PSMD14: variants seen among roughly 807,000 people sequenced by gnomAD.
PSMD14 encodes ubiquitin C-terminal hydrolase PSMD14.
Under a neutral mutation model 41.2 loss-of-function variants are expected in PSMD14, and 7 were observed. That is an observed-to-expected ratio of 0.17 (90% CI 0.10 to 0.32). PSMD14 has a LOEUF of 0.32. Among genes scored for constraint, PSMD14 ranks in the 10% least tolerant of loss-of-function variants. The pLI is 1.00. For missense variants in PSMD14, 139 were observed against 375.6 expected, an observed-to-expected ratio of 0.37 and a Z score of 5.21; for synonymous variants, 114 against 122.3, an observed-to-expected ratio of 0.93 and a Z score of 0.45.
chr2:161,381,599 C>A (rs574921634), intron 7 of PSMD14: 1 of 151,792 alleles, frequency 6.6e-6, no homozygotes, highest in African/African-American at 2.4e-5. Flanking sequence ...TTAGTCTAGT[C>A]TTTCAGTGAC....
chr2:161,386,650 T>G, intron 8 of PSMD14, among the ~76,000 whole-genome samples: 1 of 151,912 alleles, frequency 6.6e-6, no homozygotes, highest in Non-Finnish European at 1.5e-5. Context: ...CAGACAAGCC[T>G]GTACTTGCAT....
At chr2:161,408,747 A>G in intron 10 of PSMD14, 90 bp from the exon 11 acceptor site, 1 of 927,378 alleles carries the variant, frequency 1.1e-6, no homozygotes, top group Non-Finnish European at 1.6e-6. Context: ...ATGAATGAAA[A>G]TTCTGGTCAT....
chr2:161,394,795 AGG>A (rs1683769133), intron 9 of PSMD14, among the ~76,000 whole-genome samples: 1 of 152,140 alleles, frequency 6.6e-6, no homozygotes, highest in African/African-American at 2.4e-5. Flanking sequence ...TATTGTTGTT[AGG>A]GAAGACATCT....
At chr2:161,383,184 A>G (rs998977516) in intron 7 of PSMD14, 1 of 152,102 alleles carries the variant, frequency 6.6e-6, no homozygotes, top group Non-Finnish European at 1.5e-5. Context: ...GCAAAAAGCA[A>G]TTATAAAATT....
intron 6 of PSMD14, 115 bp from the exon 7 acceptor site, chr2:161,371,057 C>A: frequency 8.4e-7 from 1 of 1,184,080 alleles, no homozygotes; most frequent in Non-Finnish European, 1.2e-6. Flanking sequence ...CTTTTTCACA[C>A]CTGTGTGTTT....
intron 3 of PSMD14, among the ~76,000 whole-genome samples, chr2:161,346,179 G>A (rs1023302964): frequency 6.6e-6 from 1 of 152,072 alleles, no homozygotes; most frequent in Non-Finnish European, 1.5e-5. Flanking sequence ...CACCGTGCTC[G>A]GCCATTTAAT....
chr2:161,377,185 C>CT lies in PSMD14; in HGVS notation c.462+5864dup, dbSNP rs1330736480. 2.6e-5 allele frequency among the ~76,000 whole-genome samples: 4 copies of CT among 151,954 alleles called. No homozygotes were observed. The East Asian group carries it at 7.7e-4, about 29-fold the overall frequency. On this transcript the variant is annotated intron_variant, in intron 7 of 11. Transcript: ENST00000409682. ...TAATTTTTTGATCAGTATCCCACGACTATCAGCTAGGGCTGGGTAGTCCTA... is the reference window on the plus strand; with the variant it reads ...TAATTTTTTGATCAGTATCCCACGACTTATCAGCTAGGGCTGGGTAGTCCTA...
chr2:161,405,826 T>C (rs934732369), intron 10 of PSMD14, among the ~76,000 whole-genome samples: 1 of 152,082 alleles, frequency 6.6e-6, no homozygotes, highest in Non-Finnish European at 1.5e-5. Flanking sequence ...TGGCATGTTA[T>C]AGTGCGAACA....
rs191545126 is a variant in PSMD14, at chr2:161,342,750, C to T, written c.48+23877C>T. Among the ~76,000 whole-genome samples the T allele has an allele frequency of 3.2e-4, 49 of 152,016 alleles. No homozygotes were observed. In the East Asian group the frequency reaches 9.3e-3, roughly 29 times the overall value. Reference sequence around the variant, plus strand: ...TTTGCTGTTTGCTTAATAATTTTCTCATTTGTTCTTTTGTCATTTTTTTCC... The same window carrying T: ...TTTGCTGTTTGCTTAATAATTTTCTTATTTGTTCTTTTGTCATTTTTTTCC... On this transcript the variant is annotated intron_variant, in intron 3 of 11. Coordinates refer to ENST00000409682, the MANE Select transcript of PSMD14 (RefSeq NM_005805.6).
intron 3 of PSMD14, among the ~76,000 whole-genome samples, chr2:161,351,611 GTCT>G (rs917365548): frequency 1.3e-5 from 2 of 152,180 alleles, no homozygotes; most frequent in Admixed American, 1.3e-4. Flanking sequence ...TCCCCTGGAA[GTCT>G]TCTATGGTGT....
intron 7 of PSMD14, among the ~76,000 whole-genome samples, chr2:161,376,763 C>T (rs938917721): frequency 2.6e-5 from 4 of 151,844 alleles, no homozygotes; most frequent in South Asian, 2.1e-4. Flanking sequence ...TGTTGTCTTC[C>T]CCACAAGACT....
chr2:161,360,503 C>T (rs750930076), intron 3 of PSMD14, among the ~76,000 whole-genome samples: 10 of 151,988 alleles, frequency 6.6e-5, no homozygotes, highest in Admixed American at 1.3e-4. Context: ...TATAGGTACC[C>T]GCCACCATGC....
chr2:161,344,569 T>G (rs1683014295), intron 3 of PSMD14, among the ~76,000 whole-genome samples: 1 of 152,216 alleles, frequency 6.6e-6, no homozygotes, highest in Admixed American at 6.5e-5. Context: ...TCACAGCGAA[T>G]GATTATCTTT....
At chr2:161,405,357 T>C (rs1489287289) in intron 10 of PSMD14, among the ~76,000 whole-genome samples, 1 of 152,214 alleles carries the variant, frequency 6.6e-6, no homozygotes, top group Non-Finnish European at 1.5e-5. Flanking sequence ...GTCCCCATCG[T>C]GCTTTGTGCA....
Position 161,371,257 on chromosome 2 carries a change from T to G in PSMD14, c.397T>G (p.Phe133Val). 1 of 1,612,476 alleles carries G rather than the reference T, an allele frequency of 6.2e-7. No homozygotes were observed. The highest frequency in any genetic ancestry group is 8.5e-7 in the Non-Finnish European group (1 of 1,179,150). Residue 133 changes from phenylalanine (F) to valine (V), a missense_variant, in exon 7 of 12, where the codon TTT becomes GTT. Around this residue, in one of 4 missense-constraint regions of PSMD14, gnomAD observed 35 missense variants for 162.9 expected, o/e 0.21. Coordinates refer to ENST00000409682, the MANE Select transcript of PSMD14 (RefSeq NM_005805.6). ...SGVDINTQQS[F>V]EALSERAVAV... The stretch of plus-strand genomic sequence containing the variant: ...TGTGGATATCAACACTCAGCAGAGC[T>G]TTGAAGCCTTGTCGGAGAGAGCTGT...
intron 8 of PSMD14, among the ~76,000 whole-genome samples, chr2:161,386,221 A>G (rs905602074): frequency 6.6e-6 from 1 of 151,856 alleles, no homozygotes; most frequent in Non-Finnish European, 1.5e-5. Flanking sequence ...TATTTTCTGC[A>G]AAAATTATTT....
At chr2:161,334,931 T>G (rs1682846479) in intron 3 of PSMD14, among the ~76,000 whole-genome samples, 4 of 152,230 alleles carry the variant, frequency 2.6e-5, no homozygotes, top group African/African-American at 9.6e-5. Context: ...ATCTTTTGTG[T>G]GGTATCTCAA....
intron 1 of PSMD14, among the ~76,000 whole-genome samples, chr2:161,308,984 C>A (rs551060481): frequency 6.2e-4 from 95 of 152,248 alleles, no homozygotes; most frequent in Middle Eastern, 3.4e-3. Context: ...ATTAACTTTC[C>A]CATTGAATAC....
At chr2:161,316,938 GGATA>G (rs1485688223) in intron 2 of PSMD14, among the ~76,000 whole-genome samples, 1 of 152,064 alleles carries the variant, frequency 6.6e-6, no homozygotes, top group African/African-American at 2.4e-5. Flanking sequence ...CAACACAGAG[GGATA>G]GATAAACTGA....
Sources: gnomAD v4.1 joint callset for allele counts (sites outside exome capture counted in the v4.1 genomes callset) on GRCh38, gnomAD v4.1.1 for gene constraint, gnomAD v4.1.1 regional missense constraint, MANE v1.5 for transcripts, NCBI Gene and HGNC (gene_info 2026-07-23, HGNC 2026-07-21) for gene names.